PFKL: variants seen among roughly 807,000 people sequenced by gnomAD.
PFKL encodes phosphofructokinase, liver type.
Under a neutral mutation model 92.1 loss-of-function variants are expected in PFKL, and 74 were observed. The ratio of observed to expected loss-of-function variants is 0.80; its 90% CI spans 0.67 to 0.97. The LOEUF is 0.97. Ranked by LOEUF, PFKL falls within the 50% of genes least tolerant of loss-of-function variation. The pLI is 0.00. For synonymous variants in PFKL, 494 were observed against 456.4 expected, an observed-to-expected ratio of 1.08 and a Z score of -1.05; for missense variants, 1,028 against 1,116.6, an observed-to-expected ratio of 0.92 and a Z score of 1.13.
Position 44,323,934 on chromosome 21 carries a change from A to G in PFKL, c.1650+16A>G. The G allele has an allele frequency of 1.9e-6, 3 of 1,612,794 alleles. No homozygotes were observed. Among genetic ancestry groups the G allele is most frequent in the Non-Finnish European group, 2.5e-6 (3 of 1,179,810 alleles). Reference sequence around the variant, plus strand: ...CGCCATGGAGGTACGGGGCTCCTGGACACCGGCCTGCCATGCCCAGGCCCT... The same window carrying G: ...CGCCATGGAGGTACGGGGCTCCTGGGCACCGGCCTGCCATGCCCAGGCCCT... On this transcript the variant is annotated intron_variant, in intron 16 of 21. Transcript: ENST00000349048.
intron 9 of PFKL, among the ~76,000 whole-genome samples, chr21:44,318,204 T>C (rs1291571199): frequency 3.3e-5 from 5 of 152,104 alleles, no homozygotes; most frequent in Non-Finnish European, 7.4e-5. Context: ...CGAGCGACGG[T>C]GGGTGGGTCG....
chr21:44,308,133 T>G (rs2041005382), intron 2 of PFKL, among the ~76,000 whole-genome samples: 1 of 151,890 alleles, frequency 6.6e-6, no homozygotes, highest in Non-Finnish European at 1.5e-5. Flanking sequence ...GGAAAAAGAA[T>G]GAAGTGGGTG....
At chr21:44,311,201 C>A in intron 3 of PFKL, 118 bp downstream of exon 3, 1 of 703,568 alleles carries the variant, frequency 1.4e-6, no homozygotes, top group Non-Finnish European at 2.4e-6. Context: ...CACACACATG[C>A]AGACACACAG....
chr21:44,326,863 G>C lies in PFKL; in HGVS notation c.*1G>C. 1 of 1,605,360 alleles carries C rather than the reference G, an allele frequency of 6.2e-7. No individual in the cohort carries two copies. On this transcript the variant is annotated 3_prime_UTR_variant, in exon 22 of 22. Coordinates refer to ENST00000349048, the MANE Select transcript of PFKL (RefSeq NM_002626.6). ...CCTGAGCATGGACAAGGGCTTCTGA[G>C]GCCAGCCATGCCCACGCCCCTCCCC...
chr21:44,323,854 GCAA>G lies in PFKL; in HGVS notation c.1591_1593del (p.Asn531del). 6.2e-7 allele frequency: 1 copy of G among 1,613,596 alleles called. No homozygotes were observed. The highest frequency in any genetic ancestry group is 8.5e-7 in the Non-Finnish European group (1 of 1,179,964). ...ATGTGTGTCATCCCAGCCACCATCA[GCAA>G]CAACGTCCCTGGCACCGACTTCAGC... On this transcript the variant is annotated inframe_deletion, in exon 16 of 22. Transcript: ENST00000349048.
At chr21:44,304,382 C>G in intron 1 of PFKL, 1 of 1,269,890 alleles carries the variant, frequency 7.9e-7, no homozygotes, top group Admixed American at 2.5e-5. Flanking sequence ...CAGAGAGGCC[C>G]TGTGGTTGGA....
intron 2 of PFKL, chr21:44,307,255 C>T (rs954044875): frequency 1.6e-4 from 156 of 984,794 alleles, no homozygotes; most frequent in Admixed American, 2.5e-4. Context: ...ATTGTGTCCC[C>T]GCAGGAGCAG....
chr21:44,323,601 T>C (rs1029422223), intron 15 of PFKL, among the ~76,000 whole-genome samples, 165 bp from the exon 16 acceptor site: 1 of 152,124 alleles, frequency 6.6e-6, no homozygotes, highest in Non-Finnish European at 1.5e-5. Context: ...CCAGGCTGAC[T>C]GCCTGGCCCA....
chr21:44,319,496 C>T, intron 11 of PFKL, 81 bp downstream of exon 11: 1 of 1,186,900 alleles, frequency 8.4e-7, no homozygotes, highest in Non-Finnish European at 1.3e-6. Context: ...TGGCGCTATG[C>T]ACGCCTGGCC....
Position 44,324,861 on chromosome 21 carries a change from C to T in PFKL, c.1821C>T (p.Asn607=), listed in dbSNP as rs769649117. 11 of 1,607,990 alleles carry T rather than the reference C, an allele frequency of 6.8e-6. No individual in the cohort carries two copies. Among genetic ancestry groups the T allele is most frequent in the Middle Eastern group, 1.6e-4 (1 of 6,080 alleles). Residue 607 remains asparagine (N), a synonymous_variant, in exon 18 of 22, where the codon AAC becomes AAT. Coordinates refer to ENST00000349048, the MANE Select transcript of PFKL (RefSeq NM_002626.6). The stretch of plus-strand genomic sequence containing the variant: ...CGTGTCCGCCCCTCCCGCAGGTCAA[C>T]GTGGAGCACATGACGGAGAAGATGA... ...DPFNIHDLKV[N]VEHMTEKMKT...
chr21:44,317,805 G>A (rs2047248897), intron 9 of PFKL, among the ~76,000 whole-genome samples: 1 of 152,112 alleles, frequency 6.6e-6, no homozygotes, highest in South Asian at 2.1e-4. Flanking sequence ...CAGCGTCCTG[G>A]AGAGACTGCC....
At chr21:44,304,279 C>A in intron 1 of PFKL, 1 of 1,289,144 alleles carries the variant, frequency 7.8e-7, no homozygotes, top group Middle Eastern at 2.3e-4. Context: ...TCCCAGGTCC[C>A]CTGACAAGCC....
chr21:44,311,864 A>G (rs916935055), intron 3 of PFKL, among the ~76,000 whole-genome samples: 2 of 152,082 alleles, frequency 1.3e-5, no homozygotes, highest in African/African-American at 4.8e-5. Flanking sequence ...CTTCCACTCT[A>G]TTACCTTGGG....
At position 44,300,088 on chromosome 21, in the gene PFKL, CGT is replaced by C. The variant is rs2040722453; in HGVS notation, c.-15_-14del. ...AGGCGGCGGGAGTGCGAGCTGGGCC[CGT>C]GTTTCGGCCGCCGCCATGGCCGCGG... On this transcript the variant is annotated 5_prime_UTR_variant, in exon 1 of 22. Coordinates refer to ENST00000349048, the MANE Select transcript of PFKL (RefSeq NM_002626.6). 6.3e-6 allele frequency: 7 copies of C among 1,115,734 alleles called. No homozygotes were observed. The highest frequency in any genetic ancestry group is 7.7e-6 in the Non-Finnish European group (7 of 903,604). 69.1% of individuals were successfully genotyped at this position (1,115,734 alleles called of 1,614,324 possible).
chr21:44,321,992 G>A lies in PFKL; in HGVS notation c.1338+117G>A, dbSNP rs114738809. On this transcript the variant is annotated intron_variant, in intron 13 of 21. Coordinates refer to ENST00000349048, the MANE Select transcript of PFKL (RefSeq NM_002626.6). The stretch of plus-strand genomic sequence containing the variant: ...AGGCTGAGACCTGGGTCCGCGTGTC[G>A]GTGCCCACCCGGGCCTGGGTACTCA... 2,609 of 1,440,542 alleles carry A rather than the reference G, an allele frequency of 1.8e-3. 33 individuals are homozygous for A. In the African/African-American group the frequency reaches 0.029, roughly 16 times the overall value. The allele number at this position is 1,440,542 out of a possible 1,614,324, so 89.2% of individuals were successfully genotyped here.
chr21:44,309,944 A>G (rs1398047857), intron 2 of PFKL, among the ~76,000 whole-genome samples: 1 of 152,088 alleles, frequency 6.6e-6, no homozygotes, highest in Admixed American at 6.5e-5. Context: ...CTATCCCTTG[A>G]CCCCCTGCCT....
intron 1 of PFKL, among the ~76,000 whole-genome samples, chr21:44,301,374 G>A (rs1019570776): frequency 6.6e-6 from 1 of 152,266 alleles, no homozygotes; most frequent in Non-Finnish European, 1.5e-5. Context: ...CCTGGAGCCA[G>A]TGTGGCTCCA....
intron 17 of PFKL, 82 bp from the exon 18 acceptor site, chr21:44,324,774 T>C: frequency 6.3e-7 from 1 of 1,579,100 alleles, no homozygotes; most frequent in South Asian, 1.1e-5. Flanking sequence ...AGCCCAGTGC[T>C]CCTGCTGGCC....
At position 44,300,210 on chromosome 21, in the gene PFKL, G is replaced by A. The variant is rs947215918; in HGVS notation, c.85+20G>A. The A allele has an allele frequency of 1.2e-4, 132 of 1,063,850 alleles. No homozygotes were observed. Among genetic ancestry groups the A allele is most frequent in the Non-Finnish European group, 1.5e-4 (132 of 879,512 alleles). 65.9% of individuals were successfully genotyped at this position (1,063,850 alleles called of 1,614,324 possible). On this transcript the variant is annotated intron_variant, in intron 1 of 21. Transcript: ENST00000349048. ...CGCAAGGTGGGCGGGGGTCCCGGCC[G>A]CGTCGCGGCGCAGGGGGTGGAGGGC...
Sources: gnomAD v4.1 joint callset for allele counts (sites outside exome capture counted in the v4.1 genomes callset) on GRCh38, gnomAD v4.1.1 for gene constraint, MANE v1.5 for transcripts, NCBI Gene and HGNC (gene_info 2026-07-23, HGNC 2026-07-21) for gene names.